Variants in MED13L observed in about 807,000 individuals in gnomAD.
MED13L encodes the protein mediator of RNA polymerase II transcription subunit 13-like.
MED13L carries 7 observed loss-of-function variants against 220.9 expected under a neutral mutation model. The observed-to-expected ratio is 0.03, with a 90% CI of 0.02 to 0.06. MED13L has a LOEUF of 0.06. MED13L is among the 10% of genes least tolerant of loss of function. The probability of loss-of-function intolerance (pLI) is 1.00; values close to 1 mark genes in which losing one functional copy is unlikely to be tolerated. For synonymous variants in MED13L, 1,011 were observed against 1,015.2 expected, an observed-to-expected ratio of 1.00 and a Z score of 0.08; for missense variants, 1,965 against 2,760.5, an observed-to-expected ratio of 0.71 and a Z score of 6.46.
intron 19 of MED13L, among the ~76,000 whole-genome samples, chr12:115,985,856 T>C (rs1221833709): frequency 6.6e-6 from 1 of 152,172 alleles, no homozygotes; most frequent in Non-Finnish European, 1.5e-5. Flanking sequence ...TACACTGTTG[T>C]CAGGAACTCT....
At chr12:115,990,967 T>C in intron 17 of MED13L, 53 bp downstream of exon 17, 1 of 1,578,702 alleles carries the variant, frequency 6.3e-7, no homozygotes, top group South Asian at 1.1e-5. Flanking sequence ...GCTTTTAAGT[T>C]ATGATCATAC....
intron 1 of MED13L, among the ~76,000 whole-genome samples, chr12:116,268,089 A>G (rs906894254): frequency 2.6e-5 from 4 of 152,254 alleles, no homozygotes; most frequent in African/African-American, 4.8e-5. Context: ...GAATTCCATC[A>G]CTTAACAGAT....
At chr12:116,078,183 A>G (rs1054469713) in intron 4 of MED13L, among the ~76,000 whole-genome samples, 8 of 151,920 alleles carry the variant, frequency 5.3e-5, no homozygotes, top group Admixed American at 1.3e-4. Flanking sequence ...AACAATTAAA[A>G]TGCTCTGCTG....
chr12:116,146,641 G>A (rs1202659603), intron 2 of MED13L, among the ~76,000 whole-genome samples: 2 of 151,890 alleles, frequency 1.3e-5, no homozygotes, highest in Non-Finnish European at 2.9e-5. Flanking sequence ...AAGGCAGGGG[G>A]GACTGCTTGA....
intron 28 of MED13L, 125 bp downstream of exon 28, chr12:115,968,815 C>G (rs943262389): frequency 8.3e-7 from 1 of 1,212,038 alleles, no homozygotes; most frequent in African/African-American, 1.5e-5. Flanking sequence ...ACACTTATTT[C>G]TCTTGTACCA....
In MED13L at chr12:116,112,122, T is replaced by C. The variant is rs1874141492; in HGVS notation, c.311-610A>G. ...TCTTGTTTGCCTCTGAAATATATTATAACATTGAGCCACAAGTAACTCCAA... is the reference window on the plus strand; with the variant it reads ...TCTTGTTTGCCTCTGAAATATATTACAACATTGAGCCACAAGTAACTCCAA... On this transcript the variant is annotated intron_variant, in intron 2 of 30. Coordinates refer to ENST00000281928, the MANE Select transcript of MED13L (RefSeq NM_015335.5). Among the ~76,000 whole-genome samples, 4 of 152,202 alleles carry C rather than the reference T, an allele frequency of 2.6e-5. No individual in the cohort carries two copies. The South Asian group carries it at 6.2e-4, about 24-fold the overall frequency.
At chr12:115,977,677 T>C (rs1167323370) in intron 23 of MED13L, among the ~76,000 whole-genome samples, 2 of 152,158 alleles carry the variant, frequency 1.3e-5, no homozygotes, top group Admixed American at 6.5e-5. Flanking sequence ...AAAATCATTA[T>C]GCTAACTGGA....
intron 2 of MED13L, among the ~76,000 whole-genome samples, chr12:116,192,292 G>T (rs939681867): frequency 6.6e-6 from 1 of 151,926 alleles, no homozygotes; most frequent in South Asian, 2.1e-4. Context: ...ACATAGTTGG[G>T]GAAATTTAAC....
intron 16 of MED13L, among the ~76,000 whole-genome samples, chr12:115,994,059 A>G (rs1022897641): frequency 6.6e-6 from 1 of 152,160 alleles, no homozygotes. Flanking sequence ...AATTAACATA[A>G]AACAATTCAG....
At chr12:116,182,520 G>A (rs1358282141) in intron 2 of MED13L, among the ~76,000 whole-genome samples, 4 of 152,106 alleles carry the variant, frequency 2.6e-5, no homozygotes, top group Non-Finnish European at 5.9e-5. Context: ...CACTAGAGAA[G>A]ATATATCCTT....
At chr12:116,018,651 T>A (rs1332637827) in intron 7 of MED13L, among the ~76,000 whole-genome samples, 1 of 152,108 alleles carries the variant, frequency 6.6e-6, no homozygotes. Context: ...ATTTAAACAA[T>A]TTCTGAATTT....
At chr12:116,030,290 T>A (rs1012840407) in intron 4 of MED13L, among the ~76,000 whole-genome samples, 6 of 152,002 alleles carry the variant, frequency 3.9e-5, no homozygotes, top group East Asian at 1.9e-4. Flanking sequence ...GTTTTTTTTT[T>A]AAAGGTTAAA....
chr12:116,075,445 A>G (rs913730466), intron 4 of MED13L, among the ~76,000 whole-genome samples: 1 of 152,212 alleles, frequency 6.6e-6, no homozygotes, highest in Non-Finnish European at 1.5e-5. Flanking sequence ...GATCTGTGTA[A>G]TATGATTCCC....
chr12:116,028,089 T>C (rs889926640), intron 4 of MED13L, among the ~76,000 whole-genome samples: 1 of 152,200 alleles, frequency 6.6e-6, no homozygotes, highest in Non-Finnish European at 1.5e-5. Flanking sequence ...AATGCACGAC[T>C]GGAATTGGCC....
At chr12:116,232,219 A>G in intron 2 of MED13L, 1 of 736,584 alleles carries the variant, frequency 1.4e-6, no homozygotes, top group Non-Finnish European at 1.7e-6. Flanking sequence ...ATAACTGCCA[A>G]TCTACCCCTG....
intron 2 of MED13L, among the ~76,000 whole-genome samples, chr12:116,123,866 T>C (rs1253858815): frequency 6.6e-6 from 1 of 152,086 alleles, no homozygotes; most frequent in Non-Finnish European, 1.5e-5. Flanking sequence ...CACGATTCAT[T>C]AGACACGCCT....
chr12:116,179,952 C>A (rs61935843), intron 2 of MED13L, among the ~76,000 whole-genome samples: 7,273 of 152,234 alleles, frequency 0.048, 239 homozygotes, highest in Non-Finnish European at 0.077. Context: ...CAGTGACATA[C>A]AAATAACACC....
At position 115,981,981 on chromosome 12, in the gene MED13L, CA is replaced by C. The variant is rs1877362171; in HGVS notation, c.5175+402del. On this transcript the variant is annotated intron_variant, in intron 22 of 30. Transcript: ENST00000281928. The stretch of plus-strand genomic sequence containing the variant: ...AAAAAATCTGAAATCCAAAATGCAC[CA>C]AAACCCAAAACTTTTGGAATGCCAA... 1.5e-5 allele frequency: 3 copies of C among 195,324 alleles called. No homozygotes were observed. The South Asian group carries it at 2.8e-4, about 18-fold the overall frequency. The allele number at this position is 195,324 out of a possible 1,614,324, so 12.1% of individuals were successfully genotyped here.
intron 2 of MED13L, among the ~76,000 whole-genome samples, chr12:116,223,925 G>A (rs1044954960): frequency 1.3e-5 from 2 of 152,202 alleles, no homozygotes; most frequent in Non-Finnish European, 2.9e-5. Context: ...GTGCTAGACT[G>A]ATAATCTTTA....
Sources: allele counts gnomAD v4.1 joint callset (sites outside exome capture counted in the v4.1 genomes callset), GRCh38; gene constraint gnomAD v4.1.1; transcripts MANE v1.5; gene names NCBI Gene and HGNC (gene_info 2026-07-23, HGNC 2026-07-21).